Variants in HDAC9 observed in about 807,000 individuals in gnomAD.
HDAC9 encodes the protein MEF-2 interacting transcription repressor (MITR) protein.
HDAC9 carries 41 observed loss-of-function variants against 139.4 expected under a neutral mutation model. The ratio of observed to expected loss-of-function variants is 0.29; its 90% CI spans 0.23 to 0.38. The LOEUF (loss-of-function observed/expected upper bound fraction) is 0.38. Among genes scored for constraint, HDAC9 ranks in the 10% least tolerant of loss-of-function variants. The probability of loss-of-function intolerance (pLI) is 1.00; values close to 1 mark genes in which losing one functional copy is unlikely to be tolerated. For missense variants in HDAC9, 1,147 were observed against 1,297.0 expected, an observed-to-expected ratio of 0.88 and a Z score of 1.78; for synonymous variants, 517 against 476.2, an observed-to-expected ratio of 1.09 and a Z score of -1.12.
intron 2 of HDAC9, among the ~76,000 whole-genome samples, chr7:18,243,217 A>G (rs989342607): frequency 6.6e-6 from 1 of 152,226 alleles, no homozygotes; most frequent in Non-Finnish European, 1.5e-5. Context: ...ACAGGAAAAA[A>G]TGTTCGATGG....
At chr7:18,235,270 A>T (rs925616522) in intron 2 of HDAC9, among the ~76,000 whole-genome samples, 5 of 152,212 alleles carry the variant, frequency 3.3e-5, no homozygotes, top group African/African-American at 1.2e-4. Flanking sequence ...CTATCACTAT[A>T]TTGAAGTTTA....
At chr7:18,793,887 T>C (rs1792551700) in intron 17 of HDAC9, among the ~76,000 whole-genome samples, 1 of 151,976 alleles carries the variant, frequency 6.6e-6, no homozygotes, top group Non-Finnish European at 1.5e-5. Context: ...CGGGAAGGAT[T>C]GGGAGGAGGA....
At chr7:18,576,268 G>A (rs942082059) in intron 2 of HDAC9, among the ~76,000 whole-genome samples, 2 of 152,312 alleles carry the variant, frequency 1.3e-5, no homozygotes, top group Non-Finnish European at 2.9e-5. Context: ...CCATGTTAGA[G>A]ACGGAGGCTC....
chr7:18,635,249 G>A (rs1420622761), intron 8 of HDAC9, among the ~76,000 whole-genome samples: 1 of 151,778 alleles, frequency 6.6e-6, no homozygotes, highest in Non-Finnish European at 1.5e-5. Context: ...TAGCGAGGTG[G>A]ATTTTTATCC....
intron 1 of HDAC9, among the ~76,000 whole-genome samples, chr7:18,332,185 A>G (rs1800972938): frequency 6.6e-6 from 1 of 151,690 alleles, no homozygotes; most frequent in South Asian, 2.1e-4. Flanking sequence ...TTTTTCATTT[A>G]GAGATTTTCA....
intron 22 of HDAC9, among the ~76,000 whole-genome samples, chr7:18,932,624 C>A (rs1468471198): frequency 6.6e-6 from 1 of 151,756 alleles, no homozygotes; most frequent in East Asian, 1.9e-4. Context: ...AACTGGAGAC[C>A]AGAATAAAGA....
At chr7:18,229,156 T>C (rs958775213) in intron 2 of HDAC9, among the ~76,000 whole-genome samples, 3 of 152,220 alleles carry the variant, frequency 2.0e-5, no homozygotes, top group Non-Finnish European at 4.4e-5. Context: ...AACCTGTATC[T>C]AATAAGTTAA....
chr7:18,212,451 C>T (rs890845092), intron 2 of HDAC9, among the ~76,000 whole-genome samples: 1 of 152,124 alleles, frequency 6.6e-6, no homozygotes, highest in South Asian at 2.1e-4. Context: ...CCAGAAAATA[C>T]GGGTGTGAAT....
intron 12 of HDAC9, among the ~76,000 whole-genome samples, chr7:18,704,432 C>T (rs1386924939): frequency 1.3e-5 from 2 of 152,196 alleles, no homozygotes; most frequent in African/African-American, 4.8e-5. Context: ...ATCCAATTTT[C>T]CTCCCATATT....
intron 1 of HDAC9, among the ~76,000 whole-genome samples, chr7:18,335,312 A>G (rs1781504992): frequency 6.6e-6 from 1 of 151,544 alleles, no homozygotes; most frequent in Non-Finnish European, 1.5e-5. Flanking sequence ...AGATAAAAAT[A>G]CTGATCTTTA....
chr7:18,284,434 C>A (rs796988609), intron 2 of HDAC9, among the ~76,000 whole-genome samples: 7 of 152,214 alleles, frequency 4.6e-5, no homozygotes, highest in African/African-American at 1.7e-4. Context: ...CAGTTGTGTG[C>A]TTTTACCCAA....
chr7:18,507,361 T>G (rs1327558930), intron 2 of HDAC9, among the ~76,000 whole-genome samples: 2 of 151,420 alleles, frequency 1.3e-5, no homozygotes, highest in African/African-American at 2.4e-5. Context: ...CGGCTAGTTT[T>G]TTTTTGTATT....
chr7:18,833,786 T>A (rs1796029609), intron 19 of HDAC9, among the ~76,000 whole-genome samples: 1 of 152,182 alleles, frequency 6.6e-6, no homozygotes, highest in Non-Finnish European at 1.5e-5. Flanking sequence ...GGGAAAAGGA[T>A]TATTGTATGT....
intron 12 of HDAC9, among the ~76,000 whole-genome samples, chr7:18,678,344 T>G (rs538036661): frequency 1.3e-5 from 2 of 152,056 alleles, no homozygotes; most frequent in South Asian, 2.1e-4. Flanking sequence ...TCACTGAGCT[T>G]CTTATATCTG....
chr7:18,974,265 A>C (rs555832702), intron 24 of HDAC9, among the ~76,000 whole-genome samples: 2 of 152,266 alleles, frequency 1.3e-5, no homozygotes, highest in East Asian at 3.9e-4. Context: ...GCACATTTGC[A>C]CTCTAATTTC....
At chr7:18,524,312 G>T (rs1806076683) in intron 2 of HDAC9, among the ~76,000 whole-genome samples, 1 of 152,102 alleles carries the variant, frequency 6.6e-6, no homozygotes, top group African/African-American at 2.4e-5. Context: ...AACAAGAATT[G>T]CAGGGATTTT....
chr7:18,683,720 GATAGTGCTGGCAGA>G (rs907414185), intron 12 of HDAC9, among the ~76,000 whole-genome samples: 1 of 152,100 alleles, frequency 6.6e-6, no homozygotes, highest in Non-Finnish European at 1.5e-5. Context: ...AAAATGGAAA[GATAGTGCTGGCAGA>G]AACCAATCTT....
intron 14 of HDAC9, 44 bp from the exon 15 acceptor site, chr7:18,762,113 A>T: frequency 6.2e-7 from 1 of 1,610,730 alleles, no homozygotes; most frequent in Non-Finnish European, 8.5e-7. Flanking sequence ...TTTCTTCTAA[A>T]TGTTGTCAGT....
intron 1 of HDAC9, among the ~76,000 whole-genome samples, chr7:18,138,631 C>T (rs953620046): frequency 1.3e-5 from 2 of 151,486 alleles, no homozygotes; most frequent in Non-Finnish European, 2.9e-5. Flanking sequence ...GCCCAAGAAG[C>T]AGAGTGGGGC....
Sources: gnomAD v4.1 joint callset for allele counts (sites outside exome capture counted in the v4.1 genomes callset) on GRCh38, gnomAD v4.1.1 for gene constraint, MANE v1.5 for transcripts, NCBI Gene and HGNC (gene_info 2026-07-23, HGNC 2026-07-21) for gene names.